Variants in PDE3B observed in about 807,000 individuals in gnomAD.
The protein encoded by PDE3B is phosphodiesterase 3B.
A neutral mutation model predicts 116.8 loss-of-function variants in PDE3B; 66 were observed. The ratio of observed to expected loss-of-function variants is 0.56; its 90% confidence interval spans 0.46 to 0.69. The LOEUF (loss-of-function observed/expected upper bound fraction) is 0.69, where lower values mean the gene tolerates loss of function less well. Among genes scored for constraint, PDE3B ranks in the 30% least tolerant of loss-of-function variants. The pLI is 0.00. For synonymous variants in PDE3B, 595 were observed against 533.6 expected, an observed-to-expected ratio of 1.12 and a Z score of -1.59; for missense variants, 1,384 against 1,368.1, an observed-to-expected ratio of 1.01 and a Z score of -0.18.
intron 5 of PDE3B, among the ~76,000 whole-genome samples, chr11:14,808,039 G>A (rs927801707): frequency 6.8e-6 from 1 of 146,318 alleles, no homozygotes; most frequent in Non-Finnish European, 1.5e-5. Flanking sequence ...GAGCCTGGAC[G>A]ACAAAGCGAG....
At chr11:14,755,833 A>C (rs559375472) in intron 1 of PDE3B, among the ~76,000 whole-genome samples, 1 of 152,200 alleles carries the variant, frequency 6.6e-6, no homozygotes, top group Non-Finnish European at 1.5e-5. Flanking sequence ...AATATTTACT[A>C]TCTGACCCTT....
chr11:14,839,387 A>G (rs1416943715), intron 11 of PDE3B, among the ~76,000 whole-genome samples: 1 of 152,242 alleles, frequency 6.6e-6, no homozygotes, highest in African/African-American at 2.4e-5. Context: ...GCTACTAGCA[A>G]ATACTTAATA....
chr11:14,786,630 A>G lies in PDE3B; in HGVS notation c.1223A>G (p.Tyr408Cys). ...INPLTPFPGF[Y>C]PCSEIEDPAE... ...CCTCTCACACCATTTCCTGGATTTT[A>G]CCCCTGTTCTGAAATAGAGGACCCA... Residue 408 changes from tyrosine to cysteine, a missense_variant, in exon 3 of 16, where the codon TAC (tyrosine) becomes TGC (cysteine). Physicochemically the swap from Tyr to Cys is radical, Grantham distance 194 (BLOSUM62 -2). Coordinates refer to ENST00000282096, the MANE Select transcript of PDE3B (RefSeq NM_000922.4). 1 of 1,612,744 alleles carries G rather than the reference A, an allele frequency of 6.2e-7. No individual in the cohort carries two copies. Among genetic ancestry groups the G allele is most frequent in the Non-Finnish European group, 8.5e-7 (1 of 1,178,956 alleles).
chr11:14,851,751 C>T (rs1029491514), intron 12 of PDE3B, among the ~76,000 whole-genome samples: 1 of 152,084 alleles, frequency 6.6e-6, no homozygotes, highest in African/African-American at 2.4e-5. Context: ...TCTCTCAAAC[C>T]TAGCACATCA....
At chr11:14,785,390 T>G (rs1858158216) in intron 2 of PDE3B, among the ~76,000 whole-genome samples, 1 of 152,024 alleles carries the variant, frequency 6.6e-6, no homozygotes, top group Non-Finnish European at 1.5e-5. Flanking sequence ...GAAAAAAAAT[T>G]CCGCAAAGAG....
chr11:14,697,748 T>A (rs1405107771), intron 1 of PDE3B, among the ~76,000 whole-genome samples: 1 of 152,098 alleles, frequency 6.6e-6, no homozygotes, highest in Non-Finnish European at 1.5e-5. Context: ...CATCTTAAAA[T>A]TTTTTTCTCA....
chr11:14,891,854 G>GGGTGCCGGCTCCGTGT, the PDE3B span: 1 of 1,410,658 alleles, frequency 7.1e-7, no homozygotes, highest in Non-Finnish European at 9.4e-7. Context: ...TCCCTCAAAG[G>GGGTGCCGGCTCCGTGT]GCAGCCGGCA....
chr11:14,819,587 A>G (rs1859449782), intron 7 of PDE3B, among the ~76,000 whole-genome samples: 1 of 152,194 alleles, frequency 6.6e-6, no homozygotes, highest in African/African-American at 2.4e-5. Flanking sequence ...TCATTCTGAA[A>G]TATTTTGTAT....
intron 7 of PDE3B, among the ~76,000 whole-genome samples, chr11:14,825,110 C>T (rs1002160239): frequency 1.2e-4 from 19 of 152,046 alleles, no homozygotes; most frequent in African/African-American, 1.7e-4. Flanking sequence ...TTTGTTACTA[C>T]GAGACCCACT....
intron 2 of PDE3B, chr11:14,773,414 A>C (rs1015429643): frequency 5.9e-5 from 9 of 152,008 alleles, no homozygotes; most frequent in Non-Finnish European, 1.3e-4. Flanking sequence ...TTGGCCTATA[A>C]ATTCTTACTT....
At chr11:14,753,758 A>G (rs1380980133) in intron 1 of PDE3B, among the ~76,000 whole-genome samples, 1 of 152,134 alleles carries the variant, frequency 6.6e-6, no homozygotes, top group Non-Finnish European at 1.5e-5. Context: ...TTTAGTACAT[A>G]AAATATACAC....
At chr11:14,789,074 A>G in intron 3 of PDE3B, 32 bp from the exon 4 acceptor site, 1 of 1,545,734 alleles carries the variant, frequency 6.5e-7, no homozygotes, top group Non-Finnish European at 8.8e-7. Flanking sequence ...TTAAAGAGTG[A>G]CATTTTAAAC....
chr11:14,690,858 T>C (rs890666177), intron 1 of PDE3B, among the ~76,000 whole-genome samples: 1 of 152,164 alleles, frequency 6.6e-6, no homozygotes, highest in African/African-American at 2.4e-5. Context: ...TGTGTACTTT[T>C]TAAAGAAAGT....
chr11:14,881,605 T>C, the PDE3B span, among the ~76,000 whole-genome samples: 1 of 152,122 alleles, frequency 6.6e-6, no homozygotes, highest in South Asian at 2.1e-4. Context: ...GGAAGATCCC[T>C]TATGAATGGT....
the PDE3B span, among the ~76,000 whole-genome samples, chr11:14,897,396 A>C: frequency 1.3e-5 from 2 of 152,184 alleles, no homozygotes; most frequent in Non-Finnish European, 2.9e-5. Flanking sequence ...CAATGCCCTC[A>C]GAGGAAACAA....
intron 2 of PDE3B, among the ~76,000 whole-genome samples, chr11:14,780,577 A>G (rs1488074404): frequency 6.6e-6 from 1 of 152,246 alleles, no homozygotes; most frequent in Non-Finnish European, 1.5e-5. Flanking sequence ...TGGGTAAATA[A>G]CAAAATGAAG....
chr11:14,851,215 A>T (rs1163831725), intron 12 of PDE3B, among the ~76,000 whole-genome samples: 1 of 151,982 alleles, frequency 6.6e-6, no homozygotes, highest in Non-Finnish European at 1.5e-5. Flanking sequence ...GGGATTCCTG[A>T]AATGTGATCT....
intron 1 of PDE3B, among the ~76,000 whole-genome samples, chr11:14,724,023 T>G (rs1349507720): frequency 6.6e-6 from 1 of 152,170 alleles, no homozygotes. Flanking sequence ...ATCATTGTAG[T>G]TAAAATATGG....
At chr11:14,648,210 C>T (rs1220806328) in intron 1 of PDE3B, among the ~76,000 whole-genome samples, 1 of 151,968 alleles carries the variant, frequency 6.6e-6, no homozygotes, top group Non-Finnish European at 1.5e-5. Flanking sequence ...TAGGTAAATA[C>T]AAGGTTTTGA....
Sources: allele counts gnomAD v4.1 joint callset (sites outside exome capture counted in the v4.1 genomes callset), GRCh38; gene constraint gnomAD v4.1.1; transcripts MANE v1.5; gene names NCBI Gene and HGNC (gene_info 2026-07-23, HGNC 2026-07-21).